AUTS2: variants seen among roughly 807,000 people sequenced by gnomAD.
AUTS2 encodes the protein autism susceptibility gene 2 protein.
A neutral mutation model predicts 112.4 loss-of-function variants in AUTS2; 17 were observed. The observed-to-expected ratio is 0.15, with a 90% CI of 0.10 to 0.23. AUTS2 has a LOEUF of 0.23. AUTS2 is among the 10% of genes least tolerant of loss of function. The pLI, the probability that AUTS2 is intolerant of heterozygous loss-of-function variation, is 1.00. For synonymous variants in AUTS2, 751 were observed against 702.7 expected (o/e 1.07, Z -1.09); for missense variants, 1,510 against 1,701.6 (o/e 0.89, Z 1.98).
chr7:70,228,379 C>T (rs1353419474), intron 4 of AUTS2, among the ~76,000 whole-genome samples: 2 of 151,534 alleles, frequency 1.3e-5, no homozygotes, highest in African/African-American at 4.8e-5. Flanking sequence ...AAAATCCAGT[C>T]TAACAATCTC....
rs1025598074 is a variant in AUTS2 at position 69,729,335 on chromosome 7, A to AT, written c.309+129383dup. Among the ~76,000 whole-genome samples the AT allele has an allele frequency of 1.2e-3, 139 of 118,474 alleles. 3 individuals are homozygous for AT. Among genetic ancestry groups the AT allele is most frequent in the African/African-American group, 2.5e-3 (60 of 24,350 alleles). 77.7% of individuals were successfully genotyped at this position (118,474 alleles called of 152,430 possible). On this transcript the variant is annotated intron_variant, in intron 1 of 18. Transcript: ENST00000342771. ...TGCACACACACATTCTTTTAATAGCATTTTTTTTTTGTAGTGAGAGAAAAC... is the reference window on the plus strand; with the variant it reads ...TGCACACACACATTCTTTTAATAGCATTTTTTTTTTTGTAGTGAGAGAAAAC...
rs185383216 is a variant in AUTS2, at chr7:70,702,707, C to T, written c.742+4087C>T. The stretch of plus-strand genomic sequence containing the variant: ...GCTGCTCACCCTCGTAGGCAGGACC[C>T]CACCTCACCTCCATCAGCCTGGGAG... On this transcript the variant is annotated intron_variant, in intron 6 of 18. Coordinates refer to ENST00000342771, the MANE Select transcript of AUTS2 (RefSeq NM_015570.4). 1.5e-3 allele frequency among the ~76,000 whole-genome samples: 229 copies of T among 152,278 alleles called. 1 individual carries two copies. Among genetic ancestry groups the T allele is most frequent in the African/African-American group, 5.4e-3 (223 of 41,564 alleles).
At chr7:69,939,942 C>A (rs1796558943) in intron 2 of AUTS2, among the ~76,000 whole-genome samples, 1 of 152,134 alleles carries the variant, frequency 6.6e-6, no homozygotes, top group Non-Finnish European at 1.5e-5. Flanking sequence ...GGCAGATATT[C>A]CACTCATCAT....
intron 1 of AUTS2, among the ~76,000 whole-genome samples, chr7:69,793,204 A>G (rs1362905963): frequency 2.6e-5 from 4 of 152,216 alleles, no homozygotes; most frequent in Non-Finnish European, 5.9e-5. Context: ...CTCCAGCAGT[A>G]AACTGGTAAC....
At chr7:69,918,209 A>T (rs1795668741) in intron 2 of AUTS2, among the ~76,000 whole-genome samples, 1 of 152,212 alleles carries the variant, frequency 6.6e-6, no homozygotes, top group African/African-American at 2.4e-5. Context: ...AGGGAAAGGA[A>T]AATGAATTTT....
At chr7:70,080,515 A>T (rs759135342) in intron 2 of AUTS2, among the ~76,000 whole-genome samples, 1 of 152,238 alleles carries the variant, frequency 6.6e-6, no homozygotes, top group Non-Finnish European at 1.5e-5. Context: ...TGGAATTCAC[A>T]GTAAAGTTTA....
intron 2 of AUTS2, among the ~76,000 whole-genome samples, chr7:69,997,229 T>C (rs1434746492): frequency 6.6e-6 from 1 of 152,190 alleles, no homozygotes; most frequent in Non-Finnish European, 1.5e-5. Flanking sequence ...CTTGGAGAAG[T>C]GTGAGGTAAT....
intron 2 of AUTS2, among the ~76,000 whole-genome samples, chr7:70,083,734 C>T (rs1803439008): frequency 6.6e-6 from 1 of 152,034 alleles, no homozygotes; most frequent in South Asian, 2.1e-4. Flanking sequence ...ATCACTTGAG[C>T]CCAGAAGTTC....
At chr7:70,491,586 ATAT>A (rs2116423731) in intron 5 of AUTS2, among the ~76,000 whole-genome samples, 1 of 121,054 alleles carries the variant, frequency 8.3e-6, no homozygotes, top group Admixed American at 8.2e-5. Context: ...TAATGTATAT[ATAT>A]TGTGTGTGTG....
chr7:69,648,695 C>A (rs1021916933), intron 1 of AUTS2, among the ~76,000 whole-genome samples: 2 of 152,090 alleles, frequency 1.3e-5, no homozygotes, highest in Non-Finnish European at 2.9e-5. Context: ...CCCAGAGAGA[C>A]TTAGAGTGAT....
intron 5 of AUTS2, among the ~76,000 whole-genome samples, chr7:70,585,400 C>T (rs1234898563): frequency 6.6e-6 from 1 of 152,166 alleles, no homozygotes; most frequent in East Asian, 1.9e-4. Flanking sequence ...GCTACACTCC[C>T]GCTTCTCTTC....
intron 5 of AUTS2, among the ~76,000 whole-genome samples, chr7:70,529,532 G>T (rs1286237888): frequency 6.6e-6 from 1 of 152,202 alleles, no homozygotes; most frequent in Non-Finnish European, 1.5e-5. Flanking sequence ...AAGAAACCAG[G>T]CAAATCGTAC....
intron 7 of AUTS2, among the ~76,000 whole-genome samples, chr7:70,764,417 A>T (rs528035297): frequency 6.6e-6 from 1 of 152,044 alleles, no homozygotes; most frequent in East Asian, 1.9e-4. Context: ...CTAGTGGAGG[A>T]TGGAAGGCTG....
At chr7:69,845,542 T>C (rs1392339541) in intron 1 of AUTS2, among the ~76,000 whole-genome samples, 3 of 152,178 alleles carry the variant, frequency 2.0e-5, no homozygotes, top group African/African-American at 7.2e-5. Context: ...CCCTGGACTT[T>C]AGTGCATCCT....
chr7:70,154,218 G>C (rs1385871684), intron 4 of AUTS2, among the ~76,000 whole-genome samples: 1 of 152,098 alleles, frequency 6.6e-6, no homozygotes, highest in Non-Finnish European at 1.5e-5. Flanking sequence ...ATGTCACTAT[G>C]TCATTTCCTG....
intron 2 of AUTS2, among the ~76,000 whole-genome samples, chr7:69,947,385 T>C (rs1264202326): frequency 1.3e-5 from 2 of 152,206 alleles, no homozygotes; most frequent in African/African-American, 4.8e-5. Flanking sequence ...AGTGTAAGGA[T>C]TTGGAATTTC....
chr7:69,683,737 T>A (rs1796925528), intron 1 of AUTS2, among the ~76,000 whole-genome samples: 1 of 146,330 alleles, frequency 6.8e-6, no homozygotes. Flanking sequence ...CTGTCTCTAC[T>A]AAAAAAAAAA....
Position 69,670,555 on chromosome 7 carries a change from C to CAAAAAAAAA in AUTS2, c.309+70621_309+70629dup, listed in dbSNP as rs200373158. Among the ~76,000 whole-genome samples, 48 of 119,048 alleles carry CAAAAAAAAA rather than the reference C, an allele frequency of 4.0e-4. 1 individual carries two copies. Among genetic ancestry groups the CAAAAAAAAA allele is most frequent in the African/African-American group, 1.4e-3 (43 of 30,004 alleles). The allele number at this position is 119,048 out of a possible 152,430, so 78.1% of individuals were successfully genotyped here. A position where few individuals can be genotyped will look rare whatever the true frequency, so the allele number is the denominator to read the frequency against. ...CATGGTTGTTTTTTACTTGATCCCT[C>CAAAAAAAAA]AAAAAAAAAAAAAAAAAAAAAAAAA... On this transcript the variant is annotated intron_variant, in intron 1 of 18. Transcript: ENST00000342771.
intron 4 of AUTS2, among the ~76,000 whole-genome samples, chr7:70,379,716 C>A (rs1793282459): frequency 6.6e-6 from 1 of 152,124 alleles, no homozygotes; most frequent in Non-Finnish European, 1.5e-5. Context: ...ATCCTCTCAA[C>A]AAGGAAGTAA....
Sources: gnomAD v4.1 joint callset for allele counts (sites outside exome capture counted in the v4.1 genomes callset) on GRCh38, gnomAD v4.1.1 for gene constraint, MANE v1.5 for transcripts, NCBI Gene and HGNC (gene_info 2026-07-23, HGNC 2026-07-21) for gene names.